Variants in RGS6 observed in about 807,000 individuals in gnomAD.
RGS6 encodes regulator of G protein signaling 6.
Under a neutral mutation model 78.5 loss-of-function variants are expected in RGS6, and 30 were observed. The observed-to-expected ratio is 0.38, with a 90% CI of 0.29 to 0.52. The LOEUF is 0.52. RGS6 is among the 20% of genes least tolerant of loss of function. The pLI, the probability that RGS6 is intolerant of heterozygous loss-of-function variation, is 0.85. For synonymous variants in RGS6, 206 were observed against 206.0 expected (o/e 1.00, Z 0.00); for missense variants, 495 against 609.7 (o/e 0.81, Z 1.98).
the RGS6 span, chr14:72,629,551 C>G: frequency 7.2e-7 from 1 of 1,381,850 alleles, no homozygotes; most frequent in Non-Finnish European, 9.9e-7. Context: ...AAGAGTCCTT[C>G]CTTCCTCTTC....
chr14:72,461,790 C>T (rs1450048777), intron 6 of RGS6, among the ~76,000 whole-genome samples: 2 of 152,166 alleles, frequency 1.3e-5, no homozygotes, highest in African/African-American at 4.8e-5. Context: ...CAATGAGCCC[C>T]CAGGATCAAC....
chr14:72,201,735 G>A (rs2041629933), intron 2 of RGS6, among the ~76,000 whole-genome samples: 1 of 152,140 alleles, frequency 6.6e-6, no homozygotes. Flanking sequence ...CCAAGGTCAA[G>A]TTACACCTGC....
At chr14:72,283,597 T>C (rs2061958466) in intron 2 of RGS6, among the ~76,000 whole-genome samples, 1 of 152,132 alleles carries the variant, frequency 6.6e-6, no homozygotes, top group Admixed American at 6.6e-5. Context: ...CCACCATGAT[T>C]GTGAGGCACC....
At chr14:72,396,769 C>T (rs1015268958) in intron 3 of RGS6, among the ~76,000 whole-genome samples, 5 of 148,738 alleles carry the variant, frequency 3.4e-5, no homozygotes, top group Non-Finnish European at 5.9e-5. Flanking sequence ...ATATGTCTAG[C>T]CAGTTTTCCC....
At chr14:71,914,409 G>A in the RGS6 span, among the ~76,000 whole-genome samples, 1 of 152,182 alleles carries the variant, frequency 6.6e-6, no homozygotes, top group Non-Finnish European at 1.5e-5. Context: ...CCAACTCCAA[G>A]TTTCACTTTT....
At chr14:72,615,454 G>A in the RGS6 span, among the ~76,000 whole-genome samples, 6 of 152,182 alleles carry the variant, frequency 3.9e-5, no homozygotes, top group African/African-American at 1.4e-4. Context: ...AAAGGAAGCG[G>A]GCTGTATTCA....
intron 2 of RGS6, among the ~76,000 whole-genome samples, chr14:71,974,677 A>G (rs544218231): frequency 1.3e-5 from 2 of 152,346 alleles, no homozygotes; most frequent in Non-Finnish European, 2.9e-5. Flanking sequence ...ATTTTTTAAA[A>G]TAAAATGTCT....
rs577708238 is a variant in RGS6 at position 72,092,052 on chromosome 14, C to A, written c.84+127177C>A. Among the ~76,000 whole-genome samples, 4 of 147,384 alleles carry A rather than the reference C, an allele frequency of 2.7e-5. No homozygotes were observed. In the East Asian group the frequency reaches 6.2e-4, roughly 23 times the overall value. ...TTTTGTTTTGTTTTTGAGACAGTCT[C>A]TCTCTCTCTGCTGCCCAGGCTGGAG... On this transcript the variant is annotated intron_variant, in intron 2 of 17. Transcript: ENST00000553525.
intron 2 of RGS6, among the ~76,000 whole-genome samples, chr14:72,250,089 G>T (rs1171206544): frequency 9.0e-6 from 1 of 111,254 alleles, no homozygotes; most frequent in African/African-American, 3.4e-5. Context: ...GGGGACTGTT[G>T]CGGGGTGGGG....
intron 2 of RGS6, among the ~76,000 whole-genome samples, chr14:72,130,462 C>A (rs190926069): frequency 1.2e-3 from 180 of 152,240 alleles, no homozygotes; most frequent in Admixed American, 2.1e-3. Context: ...GTGGCTGGCA[C>A]CTTCCTGGAA....
At chr14:72,540,393 C>T (rs2097308516) in intron 17 of RGS6, 1 of 1,461,964 alleles carries the variant, frequency 6.8e-7, no homozygotes, top group Admixed American at 2.5e-5. Context: ...ACCCTGCTGC[C>T]CTCGGGGCTG....
chr14:71,994,273 C>A (rs542301024), intron 2 of RGS6, among the ~76,000 whole-genome samples: 1 of 152,024 alleles, frequency 6.6e-6, no homozygotes. Context: ...TAGTACCTAA[C>A]GAAGAATTTT....
intron 2 of RGS6, among the ~76,000 whole-genome samples, chr14:72,312,036 T>A (rs909154570): frequency 6.6e-6 from 1 of 152,174 alleles, no homozygotes; most frequent in African/African-American, 2.4e-5. Context: ...CAACTGTTCT[T>A]GGGTAACATG....
chr14:71,935,317 G>T (rs2088898430), intron 1 of RGS6, among the ~76,000 whole-genome samples: 1 of 152,206 alleles, frequency 6.6e-6, no homozygotes, highest in Non-Finnish European at 1.5e-5. Flanking sequence ...TCCATAATCT[G>T]CTAGGGAGAG....
intron 2 of RGS6, among the ~76,000 whole-genome samples, chr14:71,997,913 G>T (rs1193607866): frequency 6.6e-6 from 1 of 152,178 alleles, no homozygotes; most frequent in African/African-American, 2.4e-5. Context: ...GAGGGAATAG[G>T]TGCTTACTAT....
chr14:72,254,197 A>C (rs1356748879), intron 2 of RGS6, among the ~76,000 whole-genome samples: 1 of 152,218 alleles, frequency 6.6e-6, no homozygotes, highest in Non-Finnish European at 1.5e-5. Flanking sequence ...TTAGTGGCTA[A>C]AATCTGTTAA....
intron 2 of RGS6, among the ~76,000 whole-genome samples, chr14:72,173,589 A>G (rs1285209653): frequency 2.0e-5 from 3 of 152,172 alleles, no homozygotes; most frequent in Non-Finnish European, 4.4e-5. Flanking sequence ...TTCCCATGAC[A>G]CACATTTCTT....
In RGS6 at chr14:71,966,932, A is replaced by G. The variant is rs528210592; in HGVS notation, c.84+2057A>G. On this transcript the variant is annotated intron_variant, in intron 2 of 17. Transcript: ENST00000553525. The stretch of plus-strand genomic sequence containing the variant: ...ATATTCTTCAGAGGATTGCAAATTC[A>G]TGGATTATTAAAGAATAAGAAATGC... Among the ~76,000 whole-genome samples, 42 of 152,196 alleles carry G rather than the reference A, an allele frequency of 2.8e-4. 1 individual carries two copies. The highest frequency in any genetic ancestry group is 9.1e-4 in the African/African-American group (38 of 41,550).
intron 3 of RGS6, among the ~76,000 whole-genome samples, chr14:72,423,148 G>A (rs1044680302): frequency 2.6e-5 from 4 of 152,206 alleles, no homozygotes; most frequent in Admixed American, 6.5e-5. Context: ...CCCTAGCAGC[G>A]TGTTGAATAT....
Sources: allele counts gnomAD v4.1 joint callset (sites outside exome capture counted in the v4.1 genomes callset), GRCh38; gene constraint gnomAD v4.1.1; transcripts MANE v1.5; gene names NCBI Gene and HGNC (gene_info 2026-07-23, HGNC 2026-07-21).